Variants in PTPRD observed in about 807,000 individuals in gnomAD.
The protein encoded by PTPRD is protein tyrosine phosphatase receptor type D.
Under a neutral mutation model 214.5 loss-of-function variants are expected in PTPRD, and 34 were observed. The observed-to-expected ratio is 0.16, with a 90% confidence interval of 0.12 to 0.21. The LOEUF is 0.21. Among genes scored for constraint, PTPRD ranks in the 10% least tolerant of loss-of-function variants. The probability of loss-of-function intolerance (pLI) is 1.00; values close to 1 mark genes in which losing one functional copy is unlikely to be tolerated. For missense variants in PTPRD, 2,545 were observed against 2,398.7 expected, an observed-to-expected ratio of 1.06 and a Z score of -1.27; for synonymous variants, 1,128 against 845.7, an observed-to-expected ratio of 1.33 and a Z score of -5.79.
intron 14 of PTPRD, among the ~76,000 whole-genome samples, chr9:8,556,323 G>A (rs996051551): frequency 2.0e-5 from 3 of 152,134 alleles, no homozygotes; most frequent in African/African-American, 7.2e-5. Flanking sequence ...TTGAAATTCT[G>A]TTGCAAAACA....
intron 9 of PTPRD, among the ~76,000 whole-genome samples, chr9:9,231,904 T>C (rs2099963355): frequency 6.6e-6 from 1 of 152,150 alleles, no homozygotes. Context: ...AGGCATTTCT[T>C]CTCTTTTGTT....
At chr9:8,531,123 T>C (rs899818037) in intron 14 of PTPRD, among the ~76,000 whole-genome samples, 3 of 152,204 alleles carry the variant, frequency 2.0e-5, no homozygotes, top group East Asian at 1.9e-4. Flanking sequence ...TAATACATTG[T>C]TTTTGTGAAT....
At chr9:9,843,199 C>T (rs2058736793) in intron 5 of PTPRD, among the ~76,000 whole-genome samples, 1 of 152,000 alleles carries the variant, frequency 6.6e-6, no homozygotes, top group African/African-American at 2.4e-5. Context: ...GTCTGCTACT[C>T]ACTGTTCTAA....
chr9:9,497,299 G>T lies in PTPRD; in HGVS notation c.-237+77433C>A, dbSNP rs140674040. Among the ~76,000 whole-genome samples the T allele has an allele frequency of 1.4e-3, 208 of 152,268 alleles. 1 individual carries two copies. The highest frequency in any genetic ancestry group is 4.8e-3 in the African/African-American group (200 of 41,556). Reference sequence around the variant, plus strand: ...TTTAAAAAATAAAGTAAATGAGATAGTAGTGGGAACTGACTTAACTATCTG... The same window carrying T: ...TTTAAAAAATAAAGTAAATGAGATATTAGTGGGAACTGACTTAACTATCTG... On this transcript the variant is annotated intron_variant, in intron 8 of 45. Coordinates refer to ENST00000381196, the MANE Select transcript of PTPRD (RefSeq NM_002839.4).
At chr9:9,942,372 C>T (rs1420547531) in intron 4 of PTPRD, among the ~76,000 whole-genome samples, 3 of 152,020 alleles carry the variant, frequency 2.0e-5, no homozygotes, top group South Asian at 2.1e-4. Context: ...TTCTATTTTA[C>T]TGATATACCA....
intron 2 of PTPRD, among the ~76,000 whole-genome samples, chr9:10,508,894 G>A (rs2047007119): frequency 6.6e-6 from 1 of 151,990 alleles, no homozygotes; most frequent in South Asian, 2.1e-4. Flanking sequence ...GTATACATAT[G>A]TAACAAACCT....
intron 44 of PTPRD, among the ~76,000 whole-genome samples, chr9:8,330,897 TATTAGTTTAAATAAA>T (rs1399498794): frequency 6.6e-6 from 1 of 152,094 alleles, no homozygotes; most frequent in African/African-American, 2.4e-5. Flanking sequence ...CCCTAAAATA[TATTAGTTTAAATAAA>T]ATTAGATGAA....
intron 5 of PTPRD, among the ~76,000 whole-genome samples, chr9:9,884,681 G>A (rs1383268123): frequency 3.3e-5 from 5 of 152,100 alleles, no homozygotes; most frequent in African/African-American, 1.2e-4. Flanking sequence ...TCATGGGAGG[G>A]ACCTGGTGAA....
At chr9:8,552,136 G>A (rs2082295468) in intron 14 of PTPRD, among the ~76,000 whole-genome samples, 1 of 152,042 alleles carries the variant, frequency 6.6e-6, no homozygotes, top group Non-Finnish European at 1.5e-5. Context: ...GCACCTCCTT[G>A]CACGGTTTCT....
chr9:10,553,936 G>T (rs533341255), intron 2 of PTPRD, among the ~76,000 whole-genome samples: 2 of 152,088 alleles, frequency 1.3e-5, no homozygotes, highest in Non-Finnish European at 2.9e-5. Context: ...CTCAGTTTCT[G>T]GGAGACTGCT....
chr9:9,553,625 T>A (rs1407138931), intron 8 of PTPRD, among the ~76,000 whole-genome samples: 1 of 152,088 alleles, frequency 6.6e-6, no homozygotes, highest in East Asian at 1.9e-4. Context: ...TTAATAAGGT[T>A]AGTAAAGAAA....
chr9:10,270,336 T>A (rs1202818067), intron 3 of PTPRD, among the ~76,000 whole-genome samples: 3 of 152,166 alleles, frequency 2.0e-5, no homozygotes, highest in African/African-American at 7.2e-5. Flanking sequence ...TAAAATAGGA[T>A]GTTATAAGGC....
intron 8 of PTPRD, among the ~76,000 whole-genome samples, chr9:9,408,370 T>A (rs2074268692): frequency 1.3e-5 from 2 of 151,800 alleles, no homozygotes; most frequent in South Asian, 4.1e-4. Context: ...GACAAGCATT[T>A]TTTCCCAACC....
chr9:8,922,888 C>A (rs894421349), intron 11 of PTPRD, among the ~76,000 whole-genome samples: 1 of 151,034 alleles, frequency 6.6e-6, no homozygotes, highest in African/African-American at 2.4e-5. Context: ...TGGTCTCGAT[C>A]TCCTGACCTT....
At chr9:8,879,859 C>G (rs901958591) in intron 11 of PTPRD, among the ~76,000 whole-genome samples, 2 of 152,104 alleles carry the variant, frequency 1.3e-5, no homozygotes, top group African/African-American at 4.8e-5. Flanking sequence ...TCTAAGCACC[C>G]CACACGTGTT....
intron 14 of PTPRD, among the ~76,000 whole-genome samples, chr9:8,625,922 G>A (rs2096014667): frequency 6.6e-6 from 1 of 151,250 alleles, no homozygotes; most frequent in Admixed American, 6.6e-5. Flanking sequence ...AAGAATATGG[G>A]ATGTGTGTCA....
intron 11 of PTPRD, among the ~76,000 whole-genome samples, chr9:8,792,723 G>T (rs927145181): frequency 2.0e-5 from 3 of 152,064 alleles, no homozygotes; most frequent in African/African-American, 4.8e-5. Context: ...ATTGATAGAA[G>T]AAGACGCAAA....
chr9:8,726,042 C>CACAT (rs1555219594), intron 12 of PTPRD, among the ~76,000 whole-genome samples: 4 of 149,224 alleles, frequency 2.7e-5, no homozygotes, highest in East Asian at 2.0e-4. Context: ...CACACACACA[C>CACAT]ACACACACAC....
intron 11 of PTPRD, among the ~76,000 whole-genome samples, chr9:8,740,425 T>C (rs2091621826): frequency 1.3e-5 from 2 of 152,200 alleles, no homozygotes; most frequent in African/African-American, 4.8e-5. Flanking sequence ...TTTTATAAAA[T>C]GGCCACATTC....
Sources: allele counts gnomAD v4.1 joint callset (sites outside exome capture counted in the v4.1 genomes callset), GRCh38; gene constraint gnomAD v4.1.1; transcripts MANE v1.5; gene names NCBI Gene and HGNC (gene_info 2026-07-23, HGNC 2026-07-21).